The following ADAMTS3 variants were observed in gnomAD, a reference collection of about 807,000 sequenced individuals.
ADAMTS3 encodes ADAM metallopeptidase with thrombospondin type 1 motif 3.
In ADAMTS3, 73 loss-of-function variants were observed where a neutral mutation model predicts 129.0. The ratio of observed to expected loss-of-function variants is 0.57; its 90% confidence interval spans 0.47 to 0.69. ADAMTS3 has a LOEUF of 0.69. Ranked by LOEUF, ADAMTS3 falls within the 30% of genes least tolerant of loss-of-function variation. The probability of loss-of-function intolerance (pLI) is 0.00; values close to 1 mark genes in which losing one functional copy is unlikely to be tolerated. For synonymous variants in ADAMTS3, 477 were observed against 510.8 expected (o/e 0.93, Z 0.89); for missense variants, 1,457 against 1,514.5 (o/e 0.96, Z 0.63).
chr4:72,400,888 TATATATTGGACATAC>T (rs1240657471), intron 4 of ADAMTS3, among the ~76,000 whole-genome samples: 6 of 150,610 alleles, frequency 4.0e-5, no homozygotes, highest in Middle Eastern at 3.5e-3. Flanking sequence ...ATATTGGATA[TATATATTGGACATAC>T]ATATATTGGA....
At position 72,548,480 on chromosome 4, in the gene ADAMTS3, G is replaced by A. The variant is rs1357180870; in HGVS notation, c.502C>T (p.Leu168=). 3 of 1,613,306 alleles carry A rather than the reference G, an allele frequency of 1.9e-6. No individual in the cohort carries two copies. Among genetic ancestry groups the A allele is most frequent in the Non-Finnish European group, 2.5e-6 (3 of 1,179,500 alleles). Residue 168 remains leucine (L), a splice_region_variant and synonymous_variant, in exon 3 of 22, where the codon CTG becomes TTG. Transcript: ENST00000286657. Reference sequence around the variant, plus strand: ...GCACAAAACAGAAGGAGTCTTACCAGACCATCACAGTTGCTGATGGCAACA... The same window carrying A: ...GCACAAAACAGAAGGAGTCTTACCAAACCATCACAGTTGCTGATGGCAACA... ...TSVAISNCDG[L]AGMIKSDNEE...
chr4:72,442,320 G>A (rs1718138995), intron 3 of ADAMTS3: 1 of 151,754 alleles, frequency 6.6e-6, no homozygotes, highest in South Asian at 2.1e-4. Flanking sequence ...AAGAAAAGAG[G>A]TTTATTTGTC....
At chr4:72,288,943 C>CACACAT (rs1718587426) in intron 20 of ADAMTS3, 75 bp from the exon 21 acceptor site, 2 of 741,444 alleles carry the variant, frequency 2.7e-6, no homozygotes, top group Non-Finnish European at 4.7e-6. Context: ...CACACACACA[C>CACACAT]ACACACACAC....
chr4:72,302,048 A>G (rs1157461308), intron 17 of ADAMTS3, among the ~76,000 whole-genome samples: 1 of 152,146 alleles, frequency 6.6e-6, no homozygotes, highest in African/African-American at 2.4e-5. Context: ...GAAGGACAAC[A>G]CTGAAATAGA....
intron 4 of ADAMTS3, among the ~76,000 whole-genome samples, chr4:72,404,924 A>G (rs1050214316): frequency 4.6e-5 from 7 of 152,036 alleles, no homozygotes; most frequent in African/African-American, 1.7e-4. Context: ...TCTTCTGTGT[A>G]AAACAGACCA....
intron 3 of ADAMTS3, among the ~76,000 whole-genome samples, chr4:72,516,903 C>T (rs1390409315): frequency 1.3e-5 from 2 of 152,076 alleles, no homozygotes; most frequent in Non-Finnish European, 2.9e-5. Context: ...GAGGGCATCC[C>T]TGTCTTGTGC....
At chr4:72,294,456 G>A (rs777770673) in intron 19 of ADAMTS3, among the ~76,000 whole-genome samples, 1 of 152,052 alleles carries the variant, frequency 6.6e-6, no homozygotes, top group Non-Finnish European at 1.5e-5. Flanking sequence ...TGAAATGTGT[G>A]TACCACAAAA....
chr4:72,315,319 G>C (rs1211190603), intron 11 of ADAMTS3, among the ~76,000 whole-genome samples: 2 of 152,196 alleles, frequency 1.3e-5, no homozygotes, highest in African/African-American at 2.4e-5. Flanking sequence ...TTGCAAATGT[G>C]ATTAACTTAA....
chr4:72,292,184 G>T (rs1028221823), intron 19 of ADAMTS3, among the ~76,000 whole-genome samples: 1 of 152,208 alleles, frequency 6.6e-6, no homozygotes, highest in South Asian at 2.1e-4. Flanking sequence ...TTTCACTATG[G>T]TTTCCTTCTC....
In ADAMTS3 at chr4:72,494,738, AGGTAGGGTGTGACAGTGCCAACTG is replaced by A. The variant is rs542792350; in HGVS notation, c.504+53716_504+53739del. Among the ~76,000 whole-genome samples the A allele has an allele frequency of 1.4e-4, 22 of 152,208 alleles. No homozygotes were observed. In the South Asian group the frequency reaches 4.6e-3, roughly 32 times the overall value. ...CTGGCTTCAGAAAGATATTTACCTAAGGTAGGGTGTGACAGTGCCAACTGGGTAGGGTGTGACAGCTTTGGCTCA... is the reference window on the plus strand; with the variant it reads ...CTGGCTTCAGAAAGATATTTACCTAAGGTAGGGTGTGACAGCTTTGGCTCA... On this transcript the variant is annotated intron_variant, in intron 3 of 21. Coordinates refer to ENST00000286657, the MANE Select transcript of ADAMTS3 (RefSeq NM_014243.3).
intron 3 of ADAMTS3, among the ~76,000 whole-genome samples, chr4:72,544,565 G>A (rs916277061): frequency 6.6e-6 from 1 of 152,090 alleles, no homozygotes; most frequent in Non-Finnish European, 1.5e-5. Context: ...TTTTCAAGGA[G>A]GCTGTGACCT....
intron 3 of ADAMTS3, among the ~76,000 whole-genome samples, chr4:72,440,995 T>A (rs561054129): frequency 6.6e-6 from 1 of 151,772 alleles, no homozygotes; most frequent in Non-Finnish European, 1.5e-5. Flanking sequence ...AATACCTGTG[T>A]AGCCAGCAGT....
chr4:72,494,275 T>G (rs1719819530), intron 3 of ADAMTS3, among the ~76,000 whole-genome samples: 1 of 152,152 alleles, frequency 6.6e-6, no homozygotes, highest in South Asian at 2.1e-4. Context: ...TTTTATTCTT[T>G]GTCCTTCTTT....
At position 72,516,586 on chromosome 4, in the gene ADAMTS3, C is replaced by T. The variant is rs544023666; in HGVS notation, c.504+31892G>A. On this transcript the variant is annotated intron_variant, in intron 3 of 21. Transcript: ENST00000286657. ...AAGTTGGATTCCTAAGTATTTTATT[C>T]TCTTTGAAGGAATTTTGAATGGGAG... is the stretch of plus-strand genomic sequence containing the variant. 2.6e-5 allele frequency among the ~76,000 whole-genome samples: 4 copies of T among 152,146 alleles called. No homozygotes were observed. The South Asian group carries it at 6.2e-4, about 24-fold the overall frequency.
At chr4:72,511,914 T>G (rs1291669468) in intron 3 of ADAMTS3, among the ~76,000 whole-genome samples, 1 of 152,176 alleles carries the variant, frequency 6.6e-6, no homozygotes, top group Non-Finnish European at 1.5e-5. Context: ...ATACACACAA[T>G]GGAGTACTAT....
chr4:72,334,067 A>G (rs1187842025), intron 5 of ADAMTS3, among the ~76,000 whole-genome samples: 1 of 151,556 alleles, frequency 6.6e-6, no homozygotes, highest in African/African-American at 2.4e-5. Flanking sequence ...GTTAGCCAGG[A>G]TGGTCTCAAT....
chr4:72,447,773 T>C (rs949187211), intron 3 of ADAMTS3, among the ~76,000 whole-genome samples: 4 of 151,680 alleles, frequency 2.6e-5, no homozygotes, highest in Non-Finnish European at 5.9e-5. Context: ...GTGACCCAAA[T>C]GCAGAAACCA....
intron 3 of ADAMTS3, among the ~76,000 whole-genome samples, chr4:72,499,591 G>C (rs957171579): frequency 6.6e-6 from 1 of 152,032 alleles, no homozygotes; most frequent in Admixed American, 6.6e-5. Context: ...ATCTTCGGGG[G>C]CTCAGGCATT....
intron 4 of ADAMTS3, among the ~76,000 whole-genome samples, chr4:72,374,411 A>G (rs6812073): frequency 0.99 from 151,326 of 152,142 alleles, 75,264 homozygotes; most frequent in South Asian, 1. Flanking sequence ...AAAACCAGTC[A>G]CAAGGGATTA....
Sources: gnomAD v4.1 joint callset for allele counts (sites outside exome capture counted in the v4.1 genomes callset) on GRCh38, gnomAD v4.1.1 for gene constraint, MANE v1.5 for transcripts, NCBI Gene and HGNC (gene_info 2026-07-23, HGNC 2026-07-21) for gene names.